The following SLC36A1 variants were observed in gnomAD, a reference collection of about 807,000 sequenced individuals.
SLC36A1 encodes proton-coupled amino acid transporter 1.
SLC36A1 carries 30 observed loss-of-function variants against 47.5 expected under a neutral mutation model. The ratio of observed to expected loss-of-function variants is 0.63; its 90% CI spans 0.47 to 0.86. The LOEUF (loss-of-function observed/expected upper bound fraction) is 0.86, where lower values mean the gene tolerates loss of function less well. SLC36A1 is among the 40% of genes least tolerant of loss of function. The probability of loss-of-function intolerance (pLI) is 0.00; values close to 1 mark genes in which losing one functional copy is unlikely to be tolerated. For synonymous variants in SLC36A1, 255 were observed against 249.7 expected, an observed-to-expected ratio of 1.02 and a Z score of -0.20; for missense variants, 517 against 606.0, an observed-to-expected ratio of 0.85 and a Z score of 1.54.
chr5:151,388,803 C>T, the SLC36A1 span, among the ~76,000 whole-genome samples: 1 of 152,138 alleles, frequency 6.6e-6, no homozygotes, highest in Admixed American at 6.5e-5. Flanking sequence ...TCGGCCTCTA[C>T]CTCTAAGTAT....
chr5:151,381,324 G>T, the SLC36A1 span: 31 of 191,230 alleles, frequency 1.6e-4, no homozygotes, highest in South Asian at 3.4e-3. Context: ...TACTGAAACC[G>T]CCTTTGTAAA....
chr5:151,457,278 A>G (rs1470695870), intron 1 of SLC36A1, among the ~76,000 whole-genome samples: 2 of 151,868 alleles, frequency 1.3e-5, no homozygotes, highest in Admixed American at 1.3e-4. Context: ...ATCTTTTAGC[A>G]TTGATTCTTC....
At chr5:151,421,973 G>T in the SLC36A1 span, among the ~76,000 whole-genome samples, 2 of 152,224 alleles carry the variant, frequency 1.3e-5, no homozygotes, top group African/African-American at 4.8e-5. Flanking sequence ...CTTTTGTGAT[G>T]GAAACTGCAG....
the SLC36A1 span, among the ~76,000 whole-genome samples, chr5:151,368,008 C>T: frequency 3.3e-5 from 5 of 152,336 alleles, no homozygotes; most frequent in South Asian, 1.0e-3. Flanking sequence ...GTTATGTACA[C>T]ATCCAGATGG....
chr5:151,516,724 A>G, the SLC36A1 span, among the ~76,000 whole-genome samples: 1 of 152,224 alleles, frequency 6.6e-6, no homozygotes, highest in Non-Finnish European at 1.5e-5. Flanking sequence ...AGCACCTAGG[A>G]CAGTGCCTGT....
the SLC36A1 span, chr5:151,505,920 A>G: frequency 8.2e-6 from 13 of 1,587,558 alleles, no homozygotes; most frequent in East Asian, 1.6e-4. Flanking sequence ...CTTGTTTTCC[A>G]TCTCCAGGGG....
chr5:151,434,013 A>G (rs578226898), upstream of SLC36A1, among the ~76,000 whole-genome samples: 4 of 152,342 alleles, frequency 2.6e-5, no homozygotes, highest in South Asian at 4.1e-4. Flanking sequence ...TTCATCTACC[A>G]TGGTGGTCCA....
At chr5:151,420,518 G>A in the SLC36A1 span, among the ~76,000 whole-genome samples, 2 of 152,184 alleles carry the variant, frequency 1.3e-5, no homozygotes, top group African/African-American at 2.4e-5. Context: ...GATCGTGCAT[G>A]CCGCCCCTTG....
intron 7 of SLC36A1, among the ~76,000 whole-genome samples, chr5:151,470,281 C>T (rs1757133686): frequency 6.6e-6 from 1 of 152,220 alleles, no homozygotes; most frequent in African/African-American, 2.4e-5. Context: ...TAGACAGACA[C>T]ACCTGCTGCA....
the SLC36A1 span, chr5:151,549,535 G>A: frequency 1.9e-6 from 3 of 1,600,716 alleles, no homozygotes; most frequent in East Asian, 4.5e-5. Context: ...AATTGGGTAA[G>A]CAGCAAATGG....
At chr5:151,355,290 C>T in the SLC36A1 span, among the ~76,000 whole-genome samples, 2 of 151,328 alleles carry the variant, frequency 1.3e-5, no homozygotes, top group Non-Finnish European at 2.9e-5. Context: ...AAAAAGAATG[C>T]AGGAAAGAAA....
the SLC36A1 span, among the ~76,000 whole-genome samples, chr5:151,424,382 C>T: frequency 6.6e-6 from 1 of 152,080 alleles, no homozygotes; most frequent in Non-Finnish European, 1.5e-5. Context: ...AAACTGATCT[C>T]CAGAGCTAAG....
At chr5:151,448,044 G>A (rs1034270908) in intron 1 of SLC36A1, among the ~76,000 whole-genome samples, 2 of 152,186 alleles carry the variant, frequency 1.3e-5, no homozygotes, top group Non-Finnish European at 2.9e-5. Flanking sequence ...ACCATCTAGG[G>A]CGTCTTTCAC....
At chr5:151,548,189 A>G in the SLC36A1 span, among the ~76,000 whole-genome samples, 2 of 152,172 alleles carry the variant, frequency 1.3e-5, no homozygotes, top group African/African-American at 4.8e-5. Flanking sequence ...TAGCTACTGT[A>G]TAAGCTACTG....
the SLC36A1 span, chr5:151,542,160 A>G: frequency 1.6e-5 from 13 of 835,140 alleles, no homozygotes; most frequent in African/African-American, 2.2e-4. Flanking sequence ...CTAGGGGGTT[A>G]AGTGTGCCCA....
rs759162243 is a variant in SLC36A1 at position 151,458,833 on chromosome 5, A to G, written c.41A>G (p.Tyr14Cys). Reference protein sequence around the residue: ...QRLRNEDYHDYSSTDVSPEES... With the variant: ...QRLRNEDYHDCSSTDVSPEES... ...CTTCGGAATGAAGACTACCACGACT[A>G]CAGCTCCACGGACGTGAGCCCTGAG... The change falls in exon 2 of 11, where the codon TAC becomes TGC. Residue 14 changes from tyrosine (Y) to cysteine (C), a missense_variant. Physicochemically the swap from Tyr to Cys is radical, Grantham distance 194. Transcript: ENST00000243389. 159 of 1,613,962 alleles carry G rather than the reference A, an allele frequency of 9.9e-5. No homozygotes were observed. Among genetic ancestry groups the G allele is most frequent in the Non-Finnish European group, 1.2e-4 (146 of 1,179,992 alleles).
At chr5:151,388,719 A>C in the SLC36A1 span, among the ~76,000 whole-genome samples, 2 of 152,090 alleles carry the variant, frequency 1.3e-5, no homozygotes, top group African/African-American at 2.4e-5. Context: ...AATTGAATTC[A>C]CGTGAGATCA....
chr5:151,502,488 C>A, the SLC36A1 span, among the ~76,000 whole-genome samples: 1 of 148,044 alleles, frequency 6.8e-6, no homozygotes, highest in Non-Finnish European at 1.5e-5. Context: ...AGCCAAACAT[C>A]TTAACAGCCA....
the SLC36A1 span, chr5:151,550,580 A>G: frequency 1.2e-6 from 2 of 1,613,488 alleles, no homozygotes; most frequent in Non-Finnish European, 1.7e-6. Context: ...AGATTTTTCC[A>G]TTTACTCACC....
Sources: allele counts gnomAD v4.1 joint callset (sites outside exome capture counted in the v4.1 genomes callset), GRCh38; gene constraint gnomAD v4.1.1; transcripts MANE v1.5; gene names NCBI Gene and HGNC (gene_info 2026-07-23, HGNC 2026-07-21).